SCP2: variants seen among roughly 807,000 people sequenced by gnomAD.
SCP2 encodes the protein sterol carrier protein 2.
In SCP2, 48 loss-of-function variants were observed where a neutral mutation model predicts 71.4. The ratio of observed to expected loss-of-function variants is 0.67; its 90% CI spans 0.53 to 0.86. The LOEUF is 0.86. Among genes scored for constraint, SCP2 ranks in the 40% least tolerant of loss-of-function variants. SCP2 has a pLI of 0.00. For missense variants in SCP2, 560 were observed against 655.6 expected (o/e 0.85, Z 1.59); for synonymous variants, 220 against 218.1 (o/e 1.01, Z -0.08).
At chr1:52,982,004 G>C (rs1658543546) in intron 10 of SCP2, among the ~76,000 whole-genome samples, 1 of 151,634 alleles carries the variant, frequency 6.6e-6, no homozygotes, top group Non-Finnish European at 1.5e-5. Flanking sequence ...AATATTTTTA[G>C]TATGCCATTT....
chr1:53,046,720 T>C (rs1557635109), intron 14 of SCP2, among the ~76,000 whole-genome samples: 1 of 152,226 alleles, frequency 6.6e-6, no homozygotes, highest in Admixed American at 6.5e-5. Context: ...GTTTATATAT[T>C]ATCTATGACT....
intron 13 of SCP2, among the ~76,000 whole-genome samples, chr1:53,038,063 T>C (rs1176581797): frequency 6.6e-6 from 1 of 151,568 alleles, no homozygotes; most frequent in Non-Finnish European, 1.5e-5. Context: ...TAAGGATTGC[T>C]TGAGCACTGG....
At chr1:53,024,388 T>A (rs1279670019) in intron 12 of SCP2, among the ~76,000 whole-genome samples, 3 of 152,092 alleles carry the variant, frequency 2.0e-5, no homozygotes, top group Non-Finnish European at 4.4e-5. Flanking sequence ...AAGGTGATGA[T>A]GGTTGCACAA....
At chr1:53,017,363 TCTC>T (rs1210817052) in intron 12 of SCP2, among the ~76,000 whole-genome samples, 5 of 152,182 alleles carry the variant, frequency 3.3e-5, no homozygotes, top group African/African-American at 9.7e-5. Flanking sequence ...AGTCAACCCT[TCTC>T]CTTCTCTTCT....
At chr1:52,929,817 G>C (rs1652971878) in intron 1 of SCP2, among the ~76,000 whole-genome samples, 1 of 152,136 alleles carries the variant, frequency 6.6e-6, no homozygotes, top group Middle Eastern at 3.4e-3. Flanking sequence ...TAGAGATGGG[G>C]TTTCACCGTG....
At chr1:53,050,283 A>G (rs1431838960) in intron 15 of SCP2, 1 of 252,610 alleles carries the variant, frequency 4.0e-6, no homozygotes, top group African/African-American at 2.3e-5. Context: ...ATTTCAGTTC[A>G]TATTTCCCAC....
chr1:52,960,480 A>ATGTGTGTG (rs71044447), intron 5 of SCP2, among the ~76,000 whole-genome samples: 2,120 of 139,558 alleles, frequency 0.015, 31 homozygotes, highest in South Asian at 0.036. Context: ...TACTATGTAT[A>ATGTGTGTG]TGTGTGTGTG....
chr1:52,959,911 A>G, intron 5 of SCP2, among the ~76,000 whole-genome samples: 1 of 144,646 alleles, frequency 6.9e-6, no homozygotes, highest in East Asian at 2.0e-4. Context: ...TTTTTTTTTG[A>G]GACAGAGTCT....
chr1:52,982,426 C>T (rs544906253), intron 10 of SCP2, among the ~76,000 whole-genome samples: 11 of 152,088 alleles, frequency 7.2e-5, no homozygotes, highest in African/African-American at 1.7e-4. Flanking sequence ...AAAAATTAGC[C>T]GGGCATGGTG....
chr1:52,975,584 G>A (rs1657897134), intron 7 of SCP2, among the ~76,000 whole-genome samples: 1 of 151,828 alleles, frequency 6.6e-6, no homozygotes, highest in South Asian at 2.1e-4. Flanking sequence ...TGGGGTTACA[G>A]GTGTGAGCCA....
intron 13 of SCP2, among the ~76,000 whole-genome samples, 198 bp from the exon 14 acceptor site, chr1:53,038,719 T>C (rs1352712908): frequency 6.6e-6 from 1 of 152,194 alleles, no homozygotes; most frequent in East Asian, 1.9e-4. Flanking sequence ...AAGCCATTTT[T>C]AATAAAAGAC....
intron 8 of SCP2, 56 bp from the exon 9 acceptor site, chr1:52,978,161 G>A: frequency 6.4e-7 from 1 of 1,565,394 alleles, no homozygotes; most frequent in South Asian, 1.1e-5. Context: ...CTCCTAGTCT[G>A]AAATCCTCCG....
intron 11 of SCP2, among the ~76,000 whole-genome samples, chr1:53,002,486 A>C (rs1660380631): frequency 6.6e-6 from 1 of 152,216 alleles, no homozygotes; most frequent in Non-Finnish European, 1.5e-5. Flanking sequence ...AAAATGGAAT[A>C]GGTTGCCTCC....
intron 14 of SCP2, among the ~76,000 whole-genome samples, chr1:53,046,596 T>C (rs535486803): frequency 6.6e-6 from 1 of 152,344 alleles, no homozygotes; most frequent in African/African-American, 2.4e-5. Context: ...AAAGGAGTTC[T>C]TCATATAGTC....
intron 1 of SCP2, chr1:52,934,854 A>T (rs1653550649): frequency 6.7e-6 from 1 of 149,016 alleles, no homozygotes; most frequent in Non-Finnish European, 1.5e-5. Flanking sequence ...TTTAGTAGAG[A>T]TGGGGTTTCA....
intron 3 of SCP2, among the ~76,000 whole-genome samples, chr1:52,948,936 A>G (rs189923671): frequency 7.0e-6 from 1 of 143,318 alleles, no homozygotes; most frequent in African/African-American, 2.5e-5. Context: ...GTTTCCCCCA[A>G]CCCCAACAAC....
chr1:53,027,166 C>T lies in SCP2; in HGVS notation c.1236-803C>T, dbSNP rs535921592. Among the ~76,000 whole-genome samples the T allele has an allele frequency of 2.6e-4, 39 of 152,090 alleles. No homozygotes were observed. In the South Asian group the frequency reaches 8.1e-3, roughly 32 times the overall value. On this transcript the variant is annotated intron_variant, in intron 12 of 15. Coordinates refer to ENST00000371514, the MANE Select transcript of SCP2 (RefSeq NM_002979.5). ...ATCACCCAGGCTCAAGCAATCCTTCCATCTCAGCCTCCTGAGTAGCTGGGA... is the reference window on the plus strand; with the variant it reads ...ATCACCCAGGCTCAAGCAATCCTTCTATCTCAGCCTCCTGAGTAGCTGGGA...
At chr1:52,959,298 C>G (rs770331203) in intron 5 of SCP2, among the ~76,000 whole-genome samples, 1 of 151,702 alleles carries the variant, frequency 6.6e-6, no homozygotes, top group African/African-American at 2.4e-5. Context: ...CAGGTTCAAG[C>G]GATTCTCCTG....
intron 9 of SCP2, 115 bp downstream of exon 9, chr1:52,978,482 T>C: frequency 1.2e-6 from 1 of 850,360 alleles, no homozygotes; most frequent in South Asian, 1.5e-5. Context: ...ATGCTATTTG[T>C]CATTATTTTA....
Sources: allele counts gnomAD v4.1 joint callset (sites outside exome capture counted in the v4.1 genomes callset), GRCh38; gene constraint gnomAD v4.1.1; transcripts MANE v1.5; gene names NCBI Gene and HGNC (gene_info 2026-07-23, HGNC 2026-07-21).